The following CNIH3 variants were observed in gnomAD, a reference collection of about 807,000 sequenced individuals.
CNIH3 encodes cornichon family AMPA receptor auxiliary protein 3.
Under a neutral mutation model 24.1 loss-of-function variants are expected in CNIH3, and 14 were observed. The observed-to-expected ratio is 0.58, with a 90% CI of 0.38 to 0.91. CNIH3 has a LOEUF of 0.91. Ranked by LOEUF, CNIH3 falls within the 40% of genes least tolerant of loss-of-function variation. The probability of loss-of-function intolerance (pLI) is 0.00; values close to 1 mark genes in which losing one functional copy is unlikely to be tolerated. For synonymous variants in CNIH3, 68 were observed against 73.8 expected (o/e 0.92, Z 0.40); for missense variants, 178 against 196.8 (o/e 0.90, Z 0.57).
At chr1:224,597,801 G>A (rs10916653) in intron 3 of CNIH3, among the ~76,000 whole-genome samples, 105,303 of 152,136 alleles carry the variant, frequency 0.69, 37,966 homozygotes, top group East Asian at 0.99. Flanking sequence ...CCCCAAGGAA[G>A]GGAGTCATAG....
chr1:224,592,798 A>T (rs1324385569), downstream of CNIH3, among the ~76,000 whole-genome samples: 1 of 152,144 alleles, frequency 6.6e-6, no homozygotes, highest in African/African-American at 2.4e-5. Context: ...ACAGGTTCTG[A>T]GTAGGACGAT....
chr1:224,554,316 C>T (rs944649543), intron 3 of CNIH3, among the ~76,000 whole-genome samples: 5 of 152,142 alleles, frequency 3.3e-5, no homozygotes. Context: ...GTGGGGTTCT[C>T]TTGGCAGATC....
At chr1:224,546,888 C>G in exon 3 of CNIH3, 1 of 985,288 alleles carries the variant, frequency 1.0e-6, no homozygotes, top group Non-Finnish European at 1.2e-6. Context: ...ACATGGGACA[C>G]AGCAGGTGCT....
chr1:224,570,749 A>G (rs1680782610), intron 4 of CNIH3, among the ~76,000 whole-genome samples: 3 of 152,128 alleles, frequency 2.0e-5, no homozygotes, highest in Non-Finnish European at 4.4e-5. Flanking sequence ...TTATACAACA[A>G]CTTTGTATGC....
At position 224,684,730 on chromosome 1, in the gene CNIH3, C is replaced by T; in HGVS notation, c.151-66C>T. The T allele has an allele frequency of 6.9e-7, 1 of 1,447,076 alleles. No individual in the cohort carries two copies. The highest frequency in any genetic ancestry group is 9.7e-7 in the Non-Finnish European group (1 of 1,028,350). 89.6% of individuals were successfully genotyped at this position (1,447,076 alleles called of 1,614,324 possible). A position where few individuals can be genotyped will look rare whatever the true frequency, so the allele number is the denominator to read the frequency against. ...CCACTATTGGGGCTGATTGCGGGGCCTTCTCATGCTATTTTAGCAGAACCC... is the reference window on the plus strand; with the variant it reads ...CCACTATTGGGGCTGATTGCGGGGCTTTCTCATGCTATTTTAGCAGAACCC... On this transcript the variant is annotated intron_variant, in intron 2 of 5. Transcript: ENST00000272133. This position sits in a 1 kb window ranked among gnomAD's most constrained non-coding sequence, Gnocchi z 4.2.
intron 3 of CNIH3, among the ~76,000 whole-genome samples, chr1:224,548,454 A>G (rs925752705): frequency 6.6e-6 from 1 of 151,552 alleles, no homozygotes; most frequent in Non-Finnish European, 1.5e-5. Context: ...TGTAATATAT[A>G]GGGGAGATGT....
intron 3 of CNIH3, among the ~76,000 whole-genome samples, chr1:224,686,408 T>A (rs1572721791): frequency 1.3e-5 from 2 of 152,190 alleles, no homozygotes; most frequent in African/African-American, 4.8e-5. Context: ...GTCTATCATT[T>A]ATGGGCATTT....
chr1:224,574,105 G>T (rs1319001764), intron 4 of CNIH3, among the ~76,000 whole-genome samples: 1 of 151,974 alleles, frequency 6.6e-6, no homozygotes, highest in Admixed American at 6.6e-5. Flanking sequence ...CATTTTAATA[G>T]TATATTTATA....
chr1:224,739,395 G>A lies in CNIH3; in HGVS notation c.*39G>A, dbSNP rs12080518. ...CACATCATCAGAGACTGAGATGGGAGAGGCCTGAGACGGAGAGGTGCATTT... is the reference window on the plus strand; with the variant it reads ...CACATCATCAGAGACTGAGATGGGAAAGGCCTGAGACGGAGAGGTGCATTT... On this transcript the variant is annotated 3_prime_UTR_variant, in exon 6 of 6. Transcript: ENST00000272133. The A allele has an allele frequency of 2.5e-6, 4 of 1,599,910 alleles. No individual in the cohort carries two copies. Among genetic ancestry groups the A allele is most frequent in the Admixed American group, 1.8e-5 (1 of 56,914 alleles).
intron 3 of CNIH3, among the ~76,000 whole-genome samples, chr1:224,730,116 C>T (rs1416392721): frequency 6.6e-6 from 1 of 152,182 alleles, no homozygotes; most frequent in African/African-American, 2.4e-5. Flanking sequence ...TCCTAGTGGT[C>T]CTGCCTTGGG....
At chr1:224,589,040 T>A (rs969376074), downstream of CNIH3, among the ~76,000 whole-genome samples, 7 of 143,746 alleles carry the variant, frequency 4.9e-5, no homozygotes, top group African/African-American at 1.8e-4. Flanking sequence ...CCTGCGAGAA[T>A]GGATTGAGGA....
intron 4 of CNIH3, among the ~76,000 whole-genome samples, chr1:224,580,714 C>A (rs1681237011): frequency 1.3e-5 from 2 of 151,566 alleles, no homozygotes; most frequent in Non-Finnish European, 2.9e-5. Context: ...ATAATCCCAG[C>A]TACTTGGGAG....
At chr1:224,571,496 G>A (rs1347713704) in intron 4 of CNIH3, among the ~76,000 whole-genome samples, 1 of 152,036 alleles carries the variant, frequency 6.6e-6, no homozygotes, top group Non-Finnish European at 1.5e-5. Flanking sequence ...AGGCTGAGGT[G>A]GACGGATCAC....
chr1:224,588,968 G>GTTTTTTTTTTTTTTTTTTT (rs974335950), downstream of CNIH3, among the ~76,000 whole-genome samples: 1 of 112,346 alleles, frequency 8.9e-6, no homozygotes. Context: ...CTGACCCCCT[G>GTTTTTTTTTTTTTTTTTTT]TTTTTTTTTT....
intron 3 of CNIH3, among the ~76,000 whole-genome samples, chr1:224,691,817 C>CT (rs777121984): frequency 1.6e-4 from 25 of 152,232 alleles, no homozygotes; most frequent in Non-Finnish European, 7.4e-5. Flanking sequence ...AAGGGGAAAA[C>CT]TTTTTTCTTA....
chr1:224,638,189 T>C (rs1684186190), intron 1 of CNIH3, among the ~76,000 whole-genome samples: 1 of 152,250 alleles, frequency 6.6e-6, no homozygotes, highest in African/African-American at 2.4e-5. Context: ...CCGCTCCAGA[T>C]TCCTTAGTGG....
At chr1:224,543,505 C>T (rs1486825272) in intron 2 of CNIH3, among the ~76,000 whole-genome samples, 1 of 152,260 alleles carries the variant, frequency 6.6e-6, no homozygotes, top group Admixed American at 6.5e-5. Flanking sequence ...CTCAAACTTG[C>T]AGCTGGTTTC....
intron 1 of CNIH3, among the ~76,000 whole-genome samples, chr1:224,453,191 GAGAC>G (rs1209103081): frequency 6.6e-6 from 1 of 151,666 alleles, no homozygotes; most frequent in Non-Finnish European, 1.5e-5. Context: ...TTATTTTAGA[GAGAC>G]AGTCTGTCTC....
chr1:224,597,733 G>A (rs1199904833), intron 3 of CNIH3, among the ~76,000 whole-genome samples: 1 of 152,066 alleles, frequency 6.6e-6, no homozygotes, highest in Non-Finnish European at 1.5e-5. Context: ...ATAATAAACT[G>A]GTAAGTATAA....
Sources: gnomAD v4.1 joint callset for allele counts (sites outside exome capture counted in the v4.1 genomes callset) on GRCh38, gnomAD v4.1.1 for gene constraint, Gnocchi (gnomAD v3.1) non-coding constraint, MANE v1.5 for transcripts, NCBI Gene and HGNC (gene_info 2026-07-23, HGNC 2026-07-21) for gene names.